Variants in AUTS2 observed in about 807,000 individuals in gnomAD.
The protein encoded by AUTS2 is autism susceptibility gene 2 protein.
Under a neutral mutation model 112.4 loss-of-function variants are expected in AUTS2, and 17 were observed. The ratio of observed to expected loss-of-function variants is 0.15; its 90% CI spans 0.10 to 0.23. The LOEUF (loss-of-function observed/expected upper bound fraction) is 0.23, where lower values mean the gene tolerates loss of function less well. Among genes scored for constraint, AUTS2 ranks in the 10% least tolerant of loss-of-function variants. The pLI, the probability that AUTS2 is intolerant of heterozygous loss-of-function variation, is 1.00. For synonymous variants in AUTS2, 751 were observed against 702.7 expected, an observed-to-expected ratio of 1.07 and a Z score of -1.09; for missense variants, 1,510 against 1,701.6, an observed-to-expected ratio of 0.89 and a Z score of 1.98.
intron 4 of AUTS2, among the ~76,000 whole-genome samples, chr7:70,359,059 CT>C (rs1585054533): frequency 6.6e-6 from 1 of 152,160 alleles, no homozygotes; most frequent in African/African-American, 2.4e-5. Context: ...TAGCATACTG[CT>C]AACCAGACAC....
chr7:70,219,397 A>G (rs961817971), intron 4 of AUTS2, among the ~76,000 whole-genome samples: 1 of 152,166 alleles, frequency 6.6e-6, no homozygotes, highest in Non-Finnish European at 1.5e-5. Flanking sequence ...AAAGCAAGAT[A>G]TATGATGTGG....
intron 4 of AUTS2, among the ~76,000 whole-genome samples, chr7:70,229,621 G>T (rs914163253): frequency 6.6e-6 from 1 of 151,990 alleles, no homozygotes; most frequent in Admixed American, 6.6e-5. Context: ...CATTAAATTG[G>T]GGGAGGTTTT....
intron 5 of AUTS2, among the ~76,000 whole-genome samples, chr7:70,566,842 A>G (rs1321338221): frequency 6.6e-6 from 1 of 152,200 alleles, no homozygotes. Flanking sequence ...TTGGTATTGC[A>G]TTTCTGGTAC....
intron 1 of AUTS2, among the ~76,000 whole-genome samples, chr7:69,668,817 A>G (rs947554286): frequency 6.6e-6 from 1 of 152,240 alleles, no homozygotes; most frequent in Non-Finnish European, 1.5e-5. Flanking sequence ...ATGTTCTACT[A>G]AAAGTGAATT....
chr7:69,610,383 G>A (rs1183987031), intron 1 of AUTS2, among the ~76,000 whole-genome samples: 1 of 152,192 alleles, frequency 6.6e-6, no homozygotes, highest in Non-Finnish European at 1.5e-5. Context: ...GACAAAATTG[G>A]TGTAAATCGA....
At chr7:70,062,525 A>AT in intron 2 of AUTS2, among the ~76,000 whole-genome samples, 1 of 152,018 alleles carries the variant, frequency 6.6e-6, no homozygotes, top group Middle Eastern at 3.2e-3. Flanking sequence ...AAAAAAAAAA[A>AT]AAGGAAGAAA....
intron 2 of AUTS2, among the ~76,000 whole-genome samples, chr7:69,987,256 A>C (rs748671645): frequency 1.3e-5 from 2 of 152,210 alleles, no homozygotes; most frequent in Non-Finnish European, 2.9e-5. Flanking sequence ...ATTGGTAGGA[A>C]GACTTTTGTA....
chr7:69,666,614 C>T (rs1796057297), intron 1 of AUTS2, among the ~76,000 whole-genome samples: 1 of 152,092 alleles, frequency 6.6e-6, no homozygotes, highest in Admixed American at 6.6e-5. Context: ...TGGTTCCTGT[C>T]CTGTAAAGTC....
At chr7:69,850,214 G>C (rs1387360547) in intron 1 of AUTS2, among the ~76,000 whole-genome samples, 1 of 151,412 alleles carries the variant, frequency 6.6e-6, no homozygotes, top group Non-Finnish European at 1.5e-5. Context: ...AAGGAGAATA[G>C]CTTGAACCCA....
At position 70,631,605 on chromosome 7, in the gene AUTS2, G is replaced by A. The variant is rs982262041; in HGVS notation, c.691-66964G>A. 5.9e-5 allele frequency among the ~76,000 whole-genome samples: 9 copies of A among 152,128 alleles called. No individual in the cohort carries two copies. The highest frequency in any genetic ancestry group is 1.9e-4 in the East Asian group (1 of 5,168). On this transcript the variant is annotated intron_variant, in intron 5 of 18. Coordinates refer to ENST00000342771, the MANE Select transcript of AUTS2 (RefSeq NM_015570.4). This position sits in a 1 kb window ranked among gnomAD's most constrained non-coding sequence, Gnocchi z 4.5. ...CAGATGTTCTCAGCACCATTTTAGCGACAAGGGCAGCTATGAAAATGGCCC... is the reference window on the plus strand; with the variant it reads ...CAGATGTTCTCAGCACCATTTTAGCAACAAGGGCAGCTATGAAAATGGCCC...
chr7:70,403,037 T>A (rs1794391111), intron 4 of AUTS2, among the ~76,000 whole-genome samples: 1 of 152,214 alleles, frequency 6.6e-6, no homozygotes, highest in Admixed American at 6.5e-5. Flanking sequence ...GTTACGAAGG[T>A]CTGTCCTTCA....
In AUTS2 at chr7:70,771,656, C is replaced by A. The variant is rs1366950152; in HGVS notation, c.1830+12C>A. 2 of 1,610,560 alleles carry A rather than the reference C, an allele frequency of 1.2e-6. No individual in the cohort carries two copies. The highest frequency in any genetic ancestry group is 8.5e-7 in the Non-Finnish European group (1 of 1,177,068). On this transcript the variant is annotated intron_variant, in intron 11 of 18. Coordinates refer to ENST00000342771, the MANE Select transcript of AUTS2 (RefSeq NM_015570.4). Reference sequence around the variant, plus strand: ...CATTTCAGCCGAAGGTAAGAAACCTCACAGTGAAAACACACAGGCATGTGT... The same window carrying A: ...CATTTCAGCCGAAGGTAAGAAACCTAACAGTGAAAACACACAGGCATGTGT...
intron 1 of AUTS2, among the ~76,000 whole-genome samples, chr7:69,871,653 C>T (rs1391158260): frequency 6.6e-6 from 1 of 152,134 alleles, no homozygotes; most frequent in Non-Finnish European, 1.5e-5. Flanking sequence ...ATCTGTTGAT[C>T]TGATAACTGA....
intron 2 of AUTS2, among the ~76,000 whole-genome samples, chr7:69,924,868 A>G (rs192395609): frequency 4.6e-5 from 7 of 152,238 alleles, no homozygotes; most frequent in Non-Finnish European, 7.4e-5. Context: ...TCTTTCTTAA[A>G]TGATAGGTAG....
At chr7:70,654,460 T>C (rs1806667303) in intron 5 of AUTS2, among the ~76,000 whole-genome samples, 1 of 152,232 alleles carries the variant, frequency 6.6e-6, no homozygotes, top group South Asian at 2.1e-4. Context: ...CTCTAAGCCA[T>C]AGAGTACATG....
intron 5 of AUTS2, among the ~76,000 whole-genome samples, chr7:70,468,137 GCAA>G (rs1413074048): frequency 6.6e-6 from 1 of 152,160 alleles, no homozygotes; most frequent in Non-Finnish European, 1.5e-5. Context: ...GGGCTTATAT[GCAA>G]CAACAAGTGA....
chr7:70,409,256 G>A (rs1022093201), intron 4 of AUTS2, among the ~76,000 whole-genome samples: 14 of 152,164 alleles, frequency 9.2e-5, no homozygotes, highest in African/African-American at 2.9e-4. Context: ...CTTGGTATAC[G>A]TAAGCATGTA....
intron 2 of AUTS2, among the ~76,000 whole-genome samples, chr7:69,910,579 C>T (rs1795313549): frequency 2.6e-5 from 4 of 152,286 alleles, no homozygotes; most frequent in Admixed American, 2.0e-4. Context: ...TGGATGGTGG[C>T]AGGCAAATAG....
At chr7:70,392,241 C>T (rs932284654) in intron 4 of AUTS2, among the ~76,000 whole-genome samples, 2 of 152,116 alleles carry the variant, frequency 1.3e-5, no homozygotes, top group Non-Finnish European at 2.9e-5. Flanking sequence ...TAGTGTACTT[C>T]CTAGCCCATT....
Sources: allele counts gnomAD v4.1 joint callset (sites outside exome capture counted in the v4.1 genomes callset), GRCh38; gene constraint gnomAD v4.1.1; non-coding constraint Gnocchi (gnomAD v3.1); transcripts MANE v1.5; gene names NCBI Gene and HGNC (gene_info 2026-07-23, HGNC 2026-07-21).